CCDC85A: variants seen among roughly 807,000 people sequenced by gnomAD.
CCDC85A encodes coiled-coil domain-containing protein 85A.
In CCDC85A, 38 loss-of-function variants were observed where a neutral mutation model predicts 50.2. That is an observed-to-expected ratio of 0.76 (90% confidence interval 0.58 to 0.99). The LOEUF (loss-of-function observed/expected upper bound fraction) is 0.99, where lower values mean the gene tolerates loss of function less well. Ranked by LOEUF, CCDC85A falls within the 50% of genes least tolerant of loss-of-function variation. The probability of loss-of-function intolerance (pLI) is 0.00; values close to 1 mark genes in which losing one functional copy is unlikely to be tolerated. For synonymous variants in CCDC85A, 366 were observed against 301.4 expected, an observed-to-expected ratio of 1.21 and a Z score of -2.22; for missense variants, 820 against 742.0, an observed-to-expected ratio of 1.11 and a Z score of -1.22.
intron 2 of CCDC85A, among the ~76,000 whole-genome samples, chr2:56,237,891 C>T (rs1669091230): frequency 6.6e-6 from 1 of 152,032 alleles, no homozygotes; most frequent in African/African-American, 2.4e-5. Context: ...GGTGTAGTGC[C>T]ATGTGCTGTG....
intron 2 of CCDC85A, among the ~76,000 whole-genome samples, chr2:56,293,547 C>T (rs1453995891): frequency 2.0e-5 from 3 of 152,210 alleles, no homozygotes; most frequent in South Asian, 4.2e-4. Context: ...AGGCAACCTA[C>T]AGAATGGGAG....
intron 2 of CCDC85A, among the ~76,000 whole-genome samples, chr2:56,275,340 C>G (rs539814610): frequency 6.0e-4 from 91 of 152,180 alleles, no homozygotes; most frequent in African/African-American, 2.1e-3. Flanking sequence ...TGTAGAGTGC[C>G]TCTCTTGGTA....
At chr2:56,215,262 GT>G (rs1677342711) in intron 2 of CCDC85A, among the ~76,000 whole-genome samples, 1 of 151,802 alleles carries the variant, frequency 6.6e-6, no homozygotes, top group African/African-American at 2.4e-5. Context: ...GTTCCAAAAG[GT>G]TTTCTTGTTG....
intron 2 of CCDC85A, among the ~76,000 whole-genome samples, chr2:56,292,358 C>T (rs1235806984): frequency 6.6e-6 from 1 of 152,192 alleles, no homozygotes; most frequent in African/African-American, 2.4e-5. Flanking sequence ...GCTGCTATTA[C>T]AGGAGTGAGC....
chr2:56,344,433 C>T (rs1193437327), intron 3 of CCDC85A, among the ~76,000 whole-genome samples: 1 of 152,066 alleles, frequency 6.6e-6, no homozygotes, highest in Non-Finnish European at 1.5e-5. Context: ...TCAAAACGGC[C>T]CACAATTTAA....
chr2:56,347,013 G>T (rs971897971), intron 3 of CCDC85A, among the ~76,000 whole-genome samples: 7 of 152,198 alleles, frequency 4.6e-5, no homozygotes, highest in African/African-American at 1.7e-4. Flanking sequence ...GTGAGATGGA[G>T]TCACTCTGAA....
At chr2:56,226,922 A>G (rs1370955066) in intron 2 of CCDC85A, among the ~76,000 whole-genome samples, 1 of 152,160 alleles carries the variant, frequency 6.6e-6, no homozygotes, top group Admixed American at 6.5e-5. Flanking sequence ...TATTCTAGAA[A>G]TACTGAGAGG....
At chr2:56,227,418 G>A (rs1025777351) in intron 2 of CCDC85A, among the ~76,000 whole-genome samples, 6 of 152,118 alleles carry the variant, frequency 3.9e-5, no homozygotes, top group Non-Finnish European at 8.8e-5. Flanking sequence ...TTTATTAGTT[G>A]TGGAAAAATA....
chr2:56,293,140 G>A lies in CCDC85A; in HGVS notation c.1241-49739G>A, dbSNP rs58985645. On this transcript the variant is annotated intron_variant, in intron 2 of 5. Transcript: ENST00000407595. Reference sequence around the variant, plus strand: ...GATAGAAGGGGAGTTAACATCTGTGGCATGTATTAGGTCCCGTTAGCTGTC... The same window carrying A: ...GATAGAAGGGGAGTTAACATCTGTGACATGTATTAGGTCCCGTTAGCTGTC... Among the ~76,000 whole-genome samples, 539 of 152,292 alleles carry A rather than the reference G, an allele frequency of 3.5e-3. 3 individuals are homozygous for A. Among genetic ancestry groups the A allele is most frequent in the African/African-American group, 0.013 (522 of 41,564 alleles).
intron 3 of CCDC85A, among the ~76,000 whole-genome samples, chr2:56,343,599 G>T (rs1189658718): frequency 6.6e-6 from 1 of 152,160 alleles, no homozygotes; most frequent in Non-Finnish European, 1.5e-5. Flanking sequence ...CTGGTCTTTT[G>T]AGGAGGTGGT....
At chr2:56,289,807 G>T (rs1671621232) in intron 2 of CCDC85A, among the ~76,000 whole-genome samples, 1 of 152,098 alleles carries the variant, frequency 6.6e-6, no homozygotes, top group Non-Finnish European at 1.5e-5. Context: ...TTTTTGGAGG[G>T]GGTATAGTTA....
At position 56,184,584 on chromosome 2, in the gene CCDC85A, C is replaced by A. The variant is rs1368307545; in HGVS notation, c.-41C>A. The A allele has an allele frequency of 7.3e-7, 1 of 1,377,164 alleles. No individual in the cohort carries two copies. The highest frequency in any genetic ancestry group is 9.3e-7 in the Non-Finnish European group (1 of 1,076,974). 85.3% of individuals were successfully genotyped at this position (1,377,164 alleles called of 1,614,324 possible). A position where few individuals can be genotyped will look rare whatever the true frequency, so the allele number is the denominator to read the frequency against. ...GCGCCCGCGCCTTCGGGAGTCGCCT[C>A]GCCTCTTCCACCCACTTGCACCTGC... On this transcript the variant is annotated 5_prime_UTR_variant, in exon 1 of 6. Transcript: ENST00000407595.
intron 3 of CCDC85A, among the ~76,000 whole-genome samples, chr2:56,356,951 C>T (rs777368971): frequency 2.0e-5 from 3 of 151,490 alleles, no homozygotes; most frequent in Non-Finnish European, 2.9e-5. Context: ...TGGTGGTGGG[C>T]ACCTGTAGTC....
At chr2:56,352,902 A>G (rs1482516441) in intron 3 of CCDC85A, among the ~76,000 whole-genome samples, 1 of 152,184 alleles carries the variant, frequency 6.6e-6, no homozygotes, top group African/African-American at 2.4e-5. Context: ...CTTGTCTATA[A>G]AAGAAAATTG....
intron 2 of CCDC85A, among the ~76,000 whole-genome samples, chr2:56,289,845 A>G (rs1361521014): frequency 5.3e-5 from 8 of 151,396 alleles, no homozygotes; most frequent in Non-Finnish European, 2.9e-5. Context: ...CTGGTCTTAT[A>G]AGAACACGCT....
chr2:56,219,238 A>T (rs1668214818), intron 2 of CCDC85A, among the ~76,000 whole-genome samples: 1 of 147,886 alleles, frequency 6.8e-6, no homozygotes, highest in African/African-American at 2.5e-5. Flanking sequence ...GCCATACGAG[A>T]TGCGAAGATG....
chr2:56,258,316 TTTA>T (rs1382754963), intron 2 of CCDC85A, among the ~76,000 whole-genome samples: 2 of 152,164 alleles, frequency 1.3e-5, no homozygotes, highest in Non-Finnish European at 2.9e-5. Context: ...TGTCTGTTGA[TTTA>T]TTAATTTAAA....
At chr2:56,347,501 G>A (rs1250352077) in intron 3 of CCDC85A, among the ~76,000 whole-genome samples, 2 of 152,126 alleles carry the variant, frequency 1.3e-5, no homozygotes, top group Non-Finnish European at 2.9e-5. Context: ...TTGCATTCCT[G>A]CTTTAAAATA....
chr2:56,194,181 C>A (rs996159230), intron 2 of CCDC85A, among the ~76,000 whole-genome samples: 1 of 152,148 alleles, frequency 6.6e-6, no homozygotes, highest in African/African-American at 2.4e-5. Context: ...TTTGAAAGTA[C>A]CTTTTTAAAA....
Sources: gnomAD v4.1 joint callset for allele counts (sites outside exome capture counted in the v4.1 genomes callset) on GRCh38, gnomAD v4.1.1 for gene constraint, MANE v1.5 for transcripts, NCBI Gene and HGNC (gene_info 2026-07-23, HGNC 2026-07-21) for gene names.